The following PGBD5 variants were observed in gnomAD, a reference collection of about 807,000 sequenced individuals.
PGBD5 encodes the protein piggyBac transposable element derived 5, also known as piggyBac transposable element-derived protein 5.
In PGBD5, 14 loss-of-function variants were observed where a neutral mutation model predicts 47.9. The observed-to-expected ratio is 0.29, with a 90% CI of 0.19 to 0.46. The LOEUF is 0.46. Ranked by LOEUF, PGBD5 falls within the 20% of genes least tolerant of loss-of-function variation. The probability of loss-of-function intolerance (pLI) is 1.00; values close to 1 mark genes in which losing one functional copy is unlikely to be tolerated. For synonymous variants in PGBD5, 316 were observed against 306.3 expected (o/e 1.03, Z -0.33); for missense variants, 635 against 716.0 (o/e 0.89, Z 1.29).
At chr1:230,375,571 C>T (rs1474966666) in intron 1 of PGBD5, among the ~76,000 whole-genome samples, 1 of 151,728 alleles carries the variant, frequency 6.6e-6, no homozygotes, top group Non-Finnish European at 1.5e-5. Context: ...TCTTCCTAAT[C>T]CCTTATATGC....
In PGBD5 at chr1:230,412,081, G is replaced by A. The variant is rs183016053; in HGVS notation, c.331+13517C>T. 3.9e-5 allele frequency among the ~76,000 whole-genome samples: 6 copies of A among 152,284 alleles called. No homozygotes were observed. The East Asian group carries it at 9.6e-4, about 24-fold the overall frequency. Reference sequence around the variant, plus strand: ...GCACCAAGTTTTCTACATGGGTTATGTGGACAGAGATAGAGAAGGAGAAGG... The same window carrying A: ...GCACCAAGTTTTCTACATGGGTTATATGGACAGAGATAGAGAAGGAGAAGG... On this transcript the variant is annotated intron_variant, in intron 1 of 6. Coordinates refer to ENST00000391860, the MANE Select transcript of PGBD5 (RefSeq NM_001258311.2).
intron 1 of PGBD5, among the ~76,000 whole-genome samples, chr1:230,421,890 G>A (rs981779917): frequency 1.8e-4 from 28 of 152,096 alleles, no homozygotes; most frequent in African/African-American, 6.8e-4. Flanking sequence ...AACCCCTTTA[G>A]AGCCAAGGGT....
chr1:230,326,462 A>G (rs1667119251), intron 5 of PGBD5, among the ~76,000 whole-genome samples: 1 of 152,128 alleles, frequency 6.6e-6, no homozygotes, highest in African/African-American at 2.4e-5. Context: ...TGGAATTATT[A>G]TCATTATTTT....
chr1:230,362,407 C>CG, intron 1 of PGBD5: 2 of 1,348,280 alleles, frequency 1.5e-6, no homozygotes, highest in Non-Finnish European at 2.0e-6. Flanking sequence ...GGAGGCTTGC[C>CG]GGGGAAGCCT....
intron 3 of PGBD5, among the ~76,000 whole-genome samples, chr1:230,342,675 G>A (rs1004992105): frequency 1.3e-5 from 2 of 152,142 alleles, no homozygotes; most frequent in African/African-American, 2.4e-5. Context: ...TGGGTTTGGG[G>A]GCAAGTTACT....
At chr1:230,327,592 C>T (rs1462629933) in intron 5 of PGBD5, among the ~76,000 whole-genome samples, 1 of 152,236 alleles carries the variant, frequency 6.6e-6, no homozygotes, top group Non-Finnish European at 1.5e-5. Flanking sequence ...ATGGCGGCCC[C>T]CACACTGGAG....
chr1:230,421,106 A>G (rs1350119740), intron 1 of PGBD5, among the ~76,000 whole-genome samples: 1 of 152,154 alleles, frequency 6.6e-6, no homozygotes. Flanking sequence ...CTCCTGAAAA[A>G]CAGCTCTGAG....
At chr1:230,346,941 T>C (rs1353029498) in intron 3 of PGBD5, among the ~76,000 whole-genome samples, 1 of 152,212 alleles carries the variant, frequency 6.6e-6, no homozygotes, top group Non-Finnish European at 1.5e-5. Context: ...AAACAGTCCA[T>C]GCCTAGATTT....
In PGBD5 at chr1:230,317,897, T is replaced by C. The variant is rs1457000864; in HGVS notation, c.*5528A>G. 1 of 151,960 alleles carries C rather than the reference T, an allele frequency of 6.6e-6. No homozygotes were observed. Among genetic ancestry groups the C allele is most frequent in the Non-Finnish European group, 1.5e-5 (1 of 68,024 alleles). 9.4% of individuals were successfully genotyped at this position (151,960 alleles called of 1,614,324 possible). On this transcript the variant is annotated 3_prime_UTR_variant, in exon 7 of 7. Coordinates refer to ENST00000391860, the MANE Select transcript of PGBD5 (RefSeq NM_001258311.2). ...TAGTGACATGGAGCGCACAATCAAG[T>C]CTCCCGCAGGAGTCTCCTCATTACG...
chr1:230,423,529 C>T (rs1657705613), intron 1 of PGBD5, among the ~76,000 whole-genome samples: 1 of 152,222 alleles, frequency 6.6e-6, no homozygotes, highest in African/African-American at 2.4e-5. Context: ...CTGGTAGGCG[C>T]AAGGATTTTC....
chr1:230,357,004 C>G lies in PGBD5; in HGVS notation c.649G>C (p.Val217Leu). The G allele has an allele frequency of 1.2e-6, 2 of 1,614,148 alleles. No individual in the cohort carries two copies. Among genetic ancestry groups the G allele is most frequent in the Middle Eastern group, 1.6e-4 (1 of 6,062 alleles). ...RFEKILKYFH[V>L]VAFRSSQTTH... ...GTCTGGCTGGAGCGGAAGGCCACGA[C>G]GTGGAAGTACTTGAGGATCTTCTCG... The change falls in exon 2 of 7, where the codon GTC becomes CTC. Residue 217 changes from valine (V) to leucine (L), a missense_variant. Transcript: ENST00000391860. This position sits in a 1 kb window ranked among gnomAD's most constrained non-coding sequence, Gnocchi z 5.7.
Position 230,319,411 on chromosome 1 carries a change from AG to A in PGBD5, c.*4013del, listed in dbSNP as rs955267334. ...GTTGACTTGTTCTCGCCCCAATCCC[AG>A]GCAAGTGGGGAAATGTTTTTTTTTT... On this transcript the variant is annotated 3_prime_UTR_variant, in exon 7 of 7. Coordinates refer to ENST00000391860, the MANE Select transcript of PGBD5 (RefSeq NM_001258311.2). 2.0e-5 allele frequency: 3 copies of A among 151,982 alleles called. No homozygotes were observed. The highest frequency in any genetic ancestry group is 2.9e-5 in the Non-Finnish European group (2 of 68,006). The allele number at this position is 151,982 out of a possible 1,614,324, so 9.4% of individuals were successfully genotyped here.
chr1:230,380,909 G>A (rs1002318567), intron 1 of PGBD5, among the ~76,000 whole-genome samples: 5 of 152,228 alleles, frequency 3.3e-5, no homozygotes, highest in African/African-American at 1.2e-4. Flanking sequence ...CCCAGAAACG[G>A]TAAAGGGAAG....
intron 1 of PGBD5, among the ~76,000 whole-genome samples, chr1:230,382,830 T>C (rs568844294): frequency 6.6e-6 from 1 of 151,858 alleles, no homozygotes; most frequent in Non-Finnish European, 1.5e-5. Flanking sequence ...ACAGAAAGAA[T>C]GGGGGCATGG....
chr1:230,381,419 G>T (rs1056224238), intron 1 of PGBD5, among the ~76,000 whole-genome samples: 3 of 152,240 alleles, frequency 2.0e-5, no homozygotes, highest in Non-Finnish European at 4.4e-5. Context: ...CCGTGATGGA[G>T]CTGCACTTCT....
intron 1 of PGBD5, among the ~76,000 whole-genome samples, chr1:230,418,204 GAA>G (rs1657565010): frequency 6.6e-6 from 1 of 152,172 alleles, no homozygotes; most frequent in African/African-American, 2.4e-5. Flanking sequence ...ATGGCCCAAG[GAA>G]GTGATGTATA....
intron 4 of PGBD5, among the ~76,000 whole-genome samples, chr1:230,335,071 A>C (rs1013799248): frequency 6.7e-5 from 10 of 149,758 alleles, no homozygotes; most frequent in Non-Finnish European, 1.5e-4. Context: ...ACACAGATGC[A>C]CACACAGACA....
intron 3 of PGBD5, among the ~76,000 whole-genome samples, chr1:230,338,675 C>T (rs1667365041): frequency 2.0e-5 from 3 of 152,178 alleles, no homozygotes. Context: ...TGGCAGATGC[C>T]TGTAATCCCA....
At chr1:230,373,879 G>A (rs180804075) in intron 1 of PGBD5, among the ~76,000 whole-genome samples, 36 of 152,070 alleles carry the variant, frequency 2.4e-4, no homozygotes, top group East Asian at 3.9e-4. Flanking sequence ...TTAATTTTTC[G>A]TAGAGATGGT....
Sources: allele counts gnomAD v4.1 joint callset (sites outside exome capture counted in the v4.1 genomes callset), GRCh38; gene constraint gnomAD v4.1.1; non-coding constraint Gnocchi (gnomAD v3.1); transcripts MANE v1.5; gene names NCBI Gene and HGNC (gene_info 2026-07-23, HGNC 2026-07-21).